The following SCART1 variants were observed in gnomAD, a reference collection of about 807,000 sequenced individuals.
SCART1 encodes the protein scavenger receptor family member expressed on T cells 1, also known as scavenger receptor cysteine-rich domain-containing protein SCART1.
A neutral mutation model predicts 36.2 loss-of-function variants in SCART1; 62 were observed. That is an observed-to-expected ratio of 1.71 (90% CI 1.40 to 2.12). The LOEUF (loss-of-function observed/expected upper bound fraction) is 2.12, where lower values mean the gene tolerates loss of function less well. SCART1 is among the 30% of genes most tolerant of loss of function. The pLI, the probability that SCART1 is intolerant of heterozygous loss-of-function variation, is 0.00. For missense variants in SCART1, 1,041 were observed against 540.5 expected, an observed-to-expected ratio of 1.93 and a Z score of -9.18; for synonymous variants, 487 against 238.7, an observed-to-expected ratio of 2.04 and a Z score of -9.59.
chr10:133,464,851 C>G (rs2133558277), exon 7 of SCART1: 1 of 702,958 alleles, frequency 1.4e-6, no homozygotes, highest in Middle Eastern at 2.3e-4. Flanking sequence ...TGCCCAACTC[C>G]ACTCTGTGGC....
Position 133,464,364 on chromosome 10 carries a change from G to GC in SCART1, c.1970-242_1970-241insC, listed in dbSNP as rs1445043477. On this transcript the variant is annotated intron_variant, in intron 6 of 11. Coordinates refer to ENST00000640237, the Ensembl canonical transcript of SCART1. ...CCTGGGTGCTGCAGTGAACCTGGGC[G>GC]TGCAGTGAACCTGGGCGTGCAGATG... 1.8e-4 allele frequency: 85 copies of GC among 463,682 alleles called. 1 individual carries two copies. The highest frequency in any genetic ancestry group is 5.5e-4 in the Middle Eastern group (1 of 1,814). The allele number at this position is 463,682 out of a possible 1,614,324, so 28.7% of individuals were successfully genotyped here.
In SCART1 at chr10:133,454,033, CCTT is replaced by C. The variant is rs1564832562; in HGVS notation, c.42_44del (p.Leu15del). ...CTCTCTGGACCCTGGGACTCGGGCC[CCTT>C]CTTCTGAATCTCTGGGCAGTCCCCA... On this transcript the variant is annotated inframe_deletion, in exon 1 of 12. Transcript: ENST00000640237. 1.0e-5 allele frequency: 7 copies of C among 702,994 alleles called. No homozygotes were observed. The Admixed American group carries it at 1.4e-4, about 14-fold the overall frequency. The allele number at this position is 702,994 out of a possible 1,614,324, so 43.5% of individuals were successfully genotyped here.
chr10:133,464,956 G>A, intron 7 of SCART1, 45 bp downstream of exon 7: 1 of 702,852 alleles, frequency 1.4e-6, no homozygotes, highest in Non-Finnish European at 2.6e-6. Context: ...CTCTGGGGGT[G>A]CCTGGGAAGA....
chr10:133,458,271 T>C, intron 3 of SCART1, 89 bp from the exon 4 acceptor site: 1 of 701,658 alleles, frequency 1.4e-6, no homozygotes, highest in South Asian at 1.5e-5. Context: ...TGATGGCTCC[T>C]GGCTGAAGCC....
exon 12 of SCART1, chr10:133,467,891 G>A (rs1345511770): frequency 2.9e-6 from 2 of 700,496 alleles, no homozygotes; most frequent in Non-Finnish European, 5.2e-6. Context: ...GTCTATACGT[G>A]CGGAGGGAGG....
intron 9 of SCART1, 187 bp downstream of exon 9, chr10:133,465,752 G>A (rs995612011): frequency 3.2e-5 from 21 of 661,554 alleles, no homozygotes; most frequent in Admixed American, 1.5e-4. Context: ...GCACTCCCTG[G>A]GGTTTCCCCC....
In SCART1 at chr10:133,457,264, G is replaced by A. The variant is rs1850628594; in HGVS notation, c.386-15G>A. The A allele has an allele frequency of 1.4e-6, 1 of 700,402 alleles. No homozygotes were observed. Among genetic ancestry groups the A allele is most frequent in the East Asian group, 2.7e-5 (1 of 37,264 alleles). 43.4% of individuals were successfully genotyped at this position (700,402 alleles called of 1,614,324 possible). On this transcript the variant is annotated splice_polypyrimidine_tract_variant and intron_variant, in intron 2 of 11. Transcript: ENST00000640237. Reference sequence around the variant, plus strand: ...TGGGTCCATACCTTAAGGAGGACCGGCCTGTGCTCCACAGACGGCACTTTC... The same window carrying A: ...TGGGTCCATACCTTAAGGAGGACCGACCTGTGCTCCACAGACGGCACTTTC...
intron 9 of SCART1, 161 bp from the exon 10 acceptor site, chr10:133,466,074 C>T: frequency 1.6e-6 from 1 of 630,018 alleles, no homozygotes. Context: ...TTTTGGGGTG[C>T]TCTGCACAGC....
chr10:133,458,204 G>C, intron 3 of SCART1, 156 bp from the exon 4 acceptor site: 1 of 700,644 alleles, frequency 1.4e-6, no homozygotes, highest in South Asian at 1.5e-5. Flanking sequence ...CCGGGTGGAA[G>C]GGCCTGTGGC....
intron 3 of SCART1, 159 bp downstream of exon 3, chr10:133,457,734 G>A (rs762106814): frequency 1.6e-5 from 9 of 568,642 alleles, no homozygotes; most frequent in African/African-American, 1.9e-5. Context: ...CAGCTCTCAC[G>A]CTGGTTCTCA....
chr10:133,459,973 A>C, exon 6 of SCART1: 1 of 545,024 alleles, frequency 1.8e-6, no homozygotes, highest in Non-Finnish European at 3.2e-6. Context: ...CGGGACGCGC[A>C]CGTGGTCTGC....
intron 6 of SCART1, 26 bp from the exon 7 acceptor site, chr10:133,464,580 C>G (rs1168219177): frequency 3.2e-6 from 2 of 634,218 alleles, no homozygotes; most frequent in South Asian, 3.6e-5. Context: ...AGGGCACTCC[C>G]TGGCCTGACT....
At chr10:133,466,709 T>C (rs1850769373) in intron 10 of SCART1, among the ~76,000 whole-genome samples, 1 of 152,196 alleles carries the variant, frequency 6.6e-6, no homozygotes, top group South Asian at 2.1e-4. Context: ...TGTAGGACAA[T>C]TGCTTAAGGG....
rs1338931708 is a variant in SCART1, at chr10:133,460,184, G to C, written c.1969+14G>C. ...TCTTCTGCTCAGGTGAGCGGCCGTT[G>C]GGTATGGAATGATCATGCTGTTTTA... is the stretch of plus-strand genomic sequence containing the variant. On this transcript the variant is annotated intron_variant, in intron 6 of 11. Coordinates refer to ENST00000640237, the Ensembl canonical transcript of SCART1. 1 of 472,830 alleles carries C rather than the reference G, an allele frequency of 2.1e-6. No individual in the cohort carries two copies. Among genetic ancestry groups the C allele is most frequent in the South Asian group, 4.0e-5 (1 of 25,192 alleles). 29.3% of individuals were successfully genotyped at this position (472,830 alleles called of 1,614,324 possible).
chr10:133,466,369 G>A (rs1488808095), exon 10 of SCART1: 1 of 702,794 alleles, frequency 1.4e-6, no homozygotes, highest in African/African-American at 1.7e-5. Flanking sequence ...AGTCACACAA[G>A]CCATGCAGAG....
chr10:133,464,793 C>T, exon 7 of SCART1: 2 of 702,602 alleles, frequency 2.8e-6, no homozygotes, highest in Non-Finnish European at 2.6e-6. Context: ...CCCTTCCCCT[C>T]TGCGGGCACC....
At chr10:133,463,995 A>G (rs535599254) in intron 6 of SCART1, among the ~76,000 whole-genome samples, 1 of 152,144 alleles carries the variant, frequency 6.6e-6, no homozygotes, top group South Asian at 2.1e-4. Flanking sequence ...CCCAACCTCT[A>G]GTATCCTCTG....
intron 9 of SCART1, 68 bp downstream of exon 9, chr10:133,465,633 A>C: frequency 1.7e-6 from 1 of 595,192 alleles, no homozygotes. Flanking sequence ...GTCAGTCTTG[A>C]GTGTCACTTC....
At chr10:133,463,568 T>C (rs1215413551) in intron 6 of SCART1, among the ~76,000 whole-genome samples, 2 of 150,190 alleles carry the variant, frequency 1.3e-5, no homozygotes, top group African/African-American at 4.9e-5. Context: ...TTTCCATTCC[T>C]GGTTTATTTC....
Sources: gnomAD v4.1 joint callset for allele counts (sites outside exome capture counted in the v4.1 genomes callset) on GRCh38, gnomAD v4.1.1 for gene constraint, MANE v1.5 for transcripts, NCBI Gene and HGNC (gene_info 2026-07-23, HGNC 2026-07-21) for gene names.